EEA1: variants seen among roughly 807,000 people sequenced by gnomAD.
EEA1 encodes the protein early endosome antigen 1, also known as early endosome antigen 1, 162kD.
EEA1 carries 111 observed loss-of-function variants against 209.2 expected under a neutral mutation model. The observed-to-expected ratio is 0.53, with a 90% CI of 0.45 to 0.62. The LOEUF (loss-of-function observed/expected upper bound fraction) is 0.62, where lower values mean the gene tolerates loss of function less well. Among genes scored for constraint, EEA1 ranks in the 20% least tolerant of loss-of-function variants. The pLI is 0.00. For missense variants in EEA1, 1,343 were observed against 1,530.8 expected (o/e 0.88, Z 2.05); for synonymous variants, 536 against 540.6 (o/e 0.99, Z 0.12).
Position 92,929,268 on chromosome 12 carries a change from A to T in EEA1, c.-202T>A, listed in dbSNP as rs1881340202. 2.9e-6 allele frequency: 1 copy of T among 344,936 alleles called. No homozygotes were observed. Among genetic ancestry groups the T allele is most frequent in the Admixed American group, 5.2e-5 (1 of 19,362 alleles). 21.4% of individuals were successfully genotyped at this position (344,936 alleles called of 1,614,324 possible). A position where few individuals can be genotyped will look rare whatever the true frequency, so the allele number is the denominator to read the frequency against. ...GGGAGCACGCGAGAGAGAGCGAGCG[A>T]ACGACTAGGCAGCCTGCGAGCGCCT... is the stretch of plus-strand genomic sequence containing the variant. On this transcript the variant is annotated 5_prime_UTR_variant, in exon 1 of 29. Coordinates refer to ENST00000322349, the MANE Select transcript of EEA1 (RefSeq NM_003566.4).
At position 92,816,211 on chromosome 12, in the gene EEA1, G is replaced by A. The variant is rs1341183989; in HGVS notation, c.1918C>T (p.Leu640Phe). The A allele has an allele frequency of 7.4e-6, 12 of 1,613,126 alleles. No individual in the cohort carries two copies. Among genetic ancestry groups the A allele is most frequent in the Non-Finnish European group, 9.3e-6 (11 of 1,179,328 alleles). Residue 640 changes from leucine to phenylalanine, a missense_variant, in exon 15 of 29, where the codon CTT becomes TTT. Physicochemically the swap from Leu to Phe is conservative, Grantham distance 22. Transcript: ENST00000322349. ...LNESKEKVSQ[L>F]DIQIKAKTEL... ...AAATTTAATATTACCTGTATGTCAA[G>A]CTGGGAGACCTTCTCCTTGCTTTCA...
intron 23 of EEA1, 143 bp from the exon 24 acceptor site, chr12:92,780,554 G>A (rs1054342716): frequency 2.2e-5 from 12 of 538,160 alleles, no homozygotes; most frequent in Non-Finnish European, 3.5e-5. Context: ...CCCTCTCTTG[G>A]TTCTTGGCTG....
intron 10 of EEA1, among the ~76,000 whole-genome samples, chr12:92,833,801 C>A (rs1748880545): frequency 6.6e-6 from 1 of 152,100 alleles, no homozygotes; most frequent in Admixed American, 6.5e-5. Flanking sequence ...CAAACAACAA[C>A]CACAAAAACC....
At chr12:92,783,244 A>T (rs1457749515) in intron 22 of EEA1, among the ~76,000 whole-genome samples, 1 of 152,156 alleles carries the variant, frequency 6.6e-6, no homozygotes, top group Non-Finnish European at 1.5e-5. Flanking sequence ...GGGATTTGAT[A>T]CTATCTCTAG....
intron 1 of EEA1, among the ~76,000 whole-genome samples, chr12:92,891,922 T>A (rs1879669596): frequency 6.6e-6 from 1 of 152,202 alleles, no homozygotes; most frequent in Non-Finnish European, 1.5e-5. Flanking sequence ...TCATTTTAAG[T>A]CACTTTAAAC....
At chr12:92,916,967 C>T (rs1477983151) in intron 1 of EEA1, among the ~76,000 whole-genome samples, 2 of 151,562 alleles carry the variant, frequency 1.3e-5, no homozygotes, top group Admixed American at 6.6e-5. Flanking sequence ...CAGGAGCCGA[C>T]GCGATCAACT....
intron 22 of EEA1, among the ~76,000 whole-genome samples, chr12:92,784,271 T>C (rs1874033865): frequency 6.6e-6 from 1 of 152,176 alleles, no homozygotes; most frequent in East Asian, 1.9e-4. Flanking sequence ...GTATACGCTA[T>C]GTGCCAAATG....
chr12:92,857,878 C>T (rs1254358382), intron 3 of EEA1, among the ~76,000 whole-genome samples: 1 of 152,148 alleles, frequency 6.6e-6, no homozygotes, highest in African/African-American at 2.4e-5. Context: ...TTATCACTCT[C>T]CCCTTCATTC....
chr12:92,847,354 ATTG>A (rs1024135390), intron 9 of EEA1, among the ~76,000 whole-genome samples: 6 of 152,224 alleles, frequency 3.9e-5, no homozygotes, highest in African/African-American at 1.4e-4. Context: ...CATAATAAAA[ATTG>A]TTGTATTAAG....
chr12:92,849,898 A>C (rs1175735115), intron 9 of EEA1, among the ~76,000 whole-genome samples: 1 of 152,212 alleles, frequency 6.6e-6, no homozygotes, highest in Non-Finnish European at 1.5e-5. Context: ...TCTACTTTAC[A>C]TAAGGGAGCT....
chr12:92,834,699 A>G (rs1490045424), intron 10 of EEA1, among the ~76,000 whole-genome samples: 7 of 152,158 alleles, frequency 4.6e-5, no homozygotes, highest in Non-Finnish European at 1.0e-4. Flanking sequence ...ACATAGAGCC[A>G]AGAAAATCAC....
rs1310126028 is a variant in EEA1, at chr12:92,819,299, CA to C, written c.1728+8del. 2 of 1,572,096 alleles carry C rather than the reference CA, an allele frequency of 1.3e-6. No individual in the cohort carries two copies. Among genetic ancestry groups the C allele is most frequent in the South Asian group, 2.4e-5 (2 of 81,972 alleles). On this transcript the variant is annotated splice_region_variant and intron_variant, in intron 14 of 28. Coordinates refer to ENST00000322349, the MANE Select transcript of EEA1 (RefSeq NM_003566.4). Reference sequence around the variant, plus strand: ...AATTTTACAAATATAATATATTTTACAAGCTTACTTGCTCCTGTAGTGTATG... The same window carrying C: ...AATTTTACAAATATAATATATTTTACAGCTTACTTGCTCCTGTAGTGTATG...
intron 11 of EEA1, among the ~76,000 whole-genome samples, chr12:92,832,003 C>T (rs1000135584): frequency 6.0e-5 from 9 of 149,776 alleles, no homozygotes; most frequent in Non-Finnish European, 1.2e-4. Context: ...AGGAGAATGG[C>T]GTGAACCCGG....
Position 92,893,001 on chromosome 12 carries a change from CAA to C in EEA1, c.25-1282_25-1281del, listed in dbSNP as rs1253568892. 5.3e-5 allele frequency among the ~76,000 whole-genome samples: 8 copies of C among 152,236 alleles called. No homozygotes were observed. The East Asian group carries it at 1.5e-3, about 29-fold the overall frequency. On this transcript the variant is annotated intron_variant, in intron 1 of 28. Transcript: ENST00000322349. The stretch of plus-strand genomic sequence containing the variant: ...TGGTGCAAAAAAGACCAATGCAGCC[CAA>C]GTTATCAAGTCCCCATCACCTACCA...
At chr12:92,835,478 A>G (rs1444455801) in intron 10 of EEA1, 1 of 236,748 alleles carries the variant, frequency 4.2e-6, no homozygotes, top group African/African-American at 3.1e-5. Flanking sequence ...GTGGCACAAT[A>G]TTGGCTCACT....
rs886263480 is a variant in EEA1 at position 92,771,037 on chromosome 12, CACTT to C, written c.*4970_*4973del. ...TGTGTGTGTGTTAGCACAGTACAGT[CACTT>C]AATTTTATTTGGCAGGACTTCAAAT... On this transcript the variant is annotated 3_prime_UTR_variant, in exon 29 of 29. Transcript: ENST00000322349. The C allele has an allele frequency of 2.0e-5, 3 of 149,378 alleles. No individual in the cohort carries two copies. Among genetic ancestry groups the C allele is most frequent in the Non-Finnish European group, 3.0e-5 (2 of 67,108 alleles). The allele number at this position is 149,378 out of a possible 1,614,324, so 9.3% of individuals were successfully genotyped here.
rs1010792492 is a variant in EEA1, at chr12:92,775,799, T to C, written c.*212A>G. 5.0e-6 allele frequency: 2 copies of C among 398,778 alleles called. No homozygotes were observed. The highest frequency in any genetic ancestry group is 4.1e-5 in the African/African-American group (2 of 48,336). 24.7% of individuals were successfully genotyped at this position (398,778 alleles called of 1,614,324 possible). On this transcript the variant is annotated 3_prime_UTR_variant, in exon 29 of 29. Transcript: ENST00000322349. Reference sequence around the variant, plus strand: ...CATGAAAGCTATTCCAGGGGCTAAATGGGAAAAAAGTAATGAAAGATGATA... The same window carrying C: ...CATGAAAGCTATTCCAGGGGCTAAACGGGAAAAAAGTAATGAAAGATGATA...
intron 9 of EEA1, among the ~76,000 whole-genome samples, chr12:92,848,481 A>G (rs1263802401): frequency 6.6e-6 from 1 of 152,140 alleles, no homozygotes; most frequent in African/African-American, 2.4e-5. Flanking sequence ...TGTTAAATAA[A>G]GAAAAACAAA....
In EEA1 at chr12:92,780,065, T is replaced by C. The variant is rs142202766; in HGVS notation, c.3468+215A>G. ...AAACTCTTAGGGTTACTTTGCTTCA[T>C]TGGGTAATGTGAAAACAAATGTAGC... On this transcript the variant is annotated intron_variant, in intron 24 of 28. Coordinates refer to ENST00000322349, the MANE Select transcript of EEA1 (RefSeq NM_003566.4). Among the ~76,000 whole-genome samples, 343 of 152,218 alleles carry C rather than the reference T, an allele frequency of 2.3e-3. 2 individuals carry two copies. The highest frequency in any genetic ancestry group is 3.4e-3 in the Middle Eastern group (1 of 292).
Sources: gnomAD v4.1 joint callset for allele counts (sites outside exome capture counted in the v4.1 genomes callset) on GRCh38, gnomAD v4.1.1 for gene constraint, MANE v1.5 for transcripts, NCBI Gene and HGNC (gene_info 2026-07-23, HGNC 2026-07-21) for gene names.